The following RORA variants were observed in gnomAD, a reference collection of about 807,000 sequenced individuals.
RORA encodes RAR related orphan receptor A.
A neutral mutation model predicts 69.5 loss-of-function variants in RORA; 7 were observed. The observed-to-expected ratio is 0.10, with a 90% CI of 0.06 to 0.19. The LOEUF is 0.19. Among genes scored for constraint, RORA ranks in the 10% least tolerant of loss-of-function variants. The pLI is 1.00. For synonymous variants in RORA, 261 were observed against 240.8 expected, an observed-to-expected ratio of 1.08 and a Z score of -0.78; for missense variants, 457 against 663.0, an observed-to-expected ratio of 0.69 and a Z score of 3.41.
intron 1 of RORA, among the ~76,000 whole-genome samples, chr15:60,721,474 A>T (rs1213313033): frequency 6.6e-6 from 1 of 152,246 alleles, no homozygotes; most frequent in Non-Finnish European, 1.5e-5. Flanking sequence ...TCTCATGCAC[A>T]TTATTTAAGT....
chr15:60,612,659 CTGTT>C (rs1297552200), intron 2 of RORA, among the ~76,000 whole-genome samples: 12 of 117,360 alleles, frequency 1.0e-4, no homozygotes, highest in Admixed American at 2.8e-4. Flanking sequence ...CTCTCTCTCT[CTGTT>C]TTTTTTTTTT....
intron 1 of RORA, among the ~76,000 whole-genome samples, chr15:61,207,257 G>A (rs1321586332): frequency 1.3e-5 from 2 of 152,088 alleles, no homozygotes; most frequent in Non-Finnish European, 2.9e-5. Context: ...GATGAGAAAG[G>A]CAAATGGAAT....
At chr15:60,563,223 T>G (rs1220914800) in intron 2 of RORA, among the ~76,000 whole-genome samples, 1 of 152,200 alleles carries the variant, frequency 6.6e-6, no homozygotes, top group Non-Finnish European at 1.5e-5. Flanking sequence ...TAGCATCCAC[T>G]AAGTGCAAGA....
chr15:60,716,749 T>G (rs2071224551), intron 1 of RORA, among the ~76,000 whole-genome samples: 1 of 152,098 alleles, frequency 6.6e-6, no homozygotes, highest in East Asian at 1.9e-4. Flanking sequence ...TGAAGAGAGA[T>G]AATGCTGATA....
chr15:61,139,419 A>G (rs1402519734), intron 1 of RORA, among the ~76,000 whole-genome samples: 3 of 152,232 alleles, frequency 2.0e-5, no homozygotes, highest in Non-Finnish European at 4.4e-5. Context: ...CTTTCTTAGA[A>G]AACAAAAACA....
At position 60,952,689 on chromosome 15, in the gene RORA, T is replaced by A. The variant is rs1334263019; in HGVS notation, c.167-274003A>T. Among the ~76,000 whole-genome samples the A allele has an allele frequency of 2.0e-5, 3 of 151,802 alleles. No individual in the cohort carries two copies. In the East Asian group the frequency reaches 5.8e-4, roughly 29 times the overall value. On this transcript the variant is annotated intron_variant, in intron 1 of 10. Transcript: ENST00000335670. ...CAAATCATGAGTGAACTCCCATTCATAATTGCTACAAAGAGGATAAAATAC... is the reference window on the plus strand; with the variant it reads ...CAAATCATGAGTGAACTCCCATTCAAAATTGCTACAAAGAGGATAAAATAC...
At chr15:60,598,700 A>G (rs2068751934) in intron 2 of RORA, among the ~76,000 whole-genome samples, 1 of 152,346 alleles carries the variant, frequency 6.6e-6, no homozygotes, top group African/African-American at 2.4e-5. Flanking sequence ...GGGATTCAAA[A>G]GTTATATGCA....
intron 10 of RORA, among the ~76,000 whole-genome samples, chr15:60,499,271 C>T (rs895938569): frequency 7.2e-5 from 11 of 152,160 alleles, no homozygotes; most frequent in Non-Finnish European, 1.6e-4. Flanking sequence ...GTGGCTCACT[C>T]CTATAATCTC....
At chr15:61,154,575 C>G (rs764553828) in intron 1 of RORA, among the ~76,000 whole-genome samples, 11 of 152,140 alleles carry the variant, frequency 7.2e-5, no homozygotes, top group African/African-American at 2.7e-4. Flanking sequence ...GGGTCATGAG[C>G]CATTTGTTGC....
chr15:60,733,731 T>C (rs1016957757), intron 1 of RORA, among the ~76,000 whole-genome samples: 1 of 152,102 alleles, frequency 6.6e-6, no homozygotes, highest in African/African-American at 2.4e-5. Context: ...GAAGGAGGTA[T>C]GATAATCAAG....
rs113660652 is a variant in RORA at position 60,888,451 on chromosome 15, C to T, written c.167-209765G>A. On this transcript the variant is annotated intron_variant, in intron 1 of 10. Coordinates refer to ENST00000335670, the MANE Select transcript of RORA (RefSeq NM_134261.3). ...GGGGCGAAAAGGGAGAGGAAGATTA[C>T]GTGTGCACATGCACACACACACACA... 2.6e-5 allele frequency among the ~76,000 whole-genome samples: 4 copies of T among 152,184 alleles called. No individual in the cohort carries two copies. The South Asian group carries it at 6.2e-4, about 24-fold the overall frequency.
intron 2 of RORA, among the ~76,000 whole-genome samples, chr15:60,574,409 TG>T (rs975182014): frequency 8.5e-5 from 13 of 152,220 alleles, no homozygotes; most frequent in African/African-American, 2.9e-4. Flanking sequence ...TGTTATATGA[TG>T]AGAAATTTCA....
At chr15:61,035,376 C>A (rs1263021234) in intron 1 of RORA, among the ~76,000 whole-genome samples, 3 of 152,272 alleles carry the variant, frequency 2.0e-5, no homozygotes, top group South Asian at 2.1e-4. Flanking sequence ...CTTACCCACA[C>A]AACGTTAGGA....
chr15:61,203,860 G>A (rs1378705191), intron 1 of RORA, among the ~76,000 whole-genome samples: 5 of 152,156 alleles, frequency 3.3e-5, no homozygotes, highest in South Asian at 2.1e-4. Context: ...CTTATCATCC[G>A]CAACATTAGA....
chr15:60,591,707 C>T (rs935407594), intron 2 of RORA, among the ~76,000 whole-genome samples: 1 of 152,206 alleles, frequency 6.6e-6, no homozygotes, highest in African/African-American at 2.4e-5. Flanking sequence ...GCGGGGTGCG[C>T]CGCGGCTCCC....
intron 2 of RORA, among the ~76,000 whole-genome samples, chr15:60,573,344 A>G (rs2140459251): frequency 6.6e-6 from 1 of 152,358 alleles, no homozygotes; most frequent in South Asian, 2.1e-4. Flanking sequence ...TGCCTTTCAT[A>G]CATCTCTCAA....
Position 61,199,894 on chromosome 15 carries a change from G to A in RORA, c.166+29159C>T, listed in dbSNP as rs189960295. Among the ~76,000 whole-genome samples the A allele has an allele frequency of 2.3e-3, 353 of 152,318 alleles. 3 individuals are homozygous for A. The highest frequency in any genetic ancestry group is 8.1e-3 in the African/African-American group (338 of 41,574). On this transcript the variant is annotated intron_variant, in intron 1 of 10. Coordinates refer to ENST00000335670, the MANE Select transcript of RORA (RefSeq NM_134261.3). ...AACACAGAACGAGCTGTGCCGTGCT[G>A]TCGGGGACTGGGATACACCTGGGTG...
At chr15:60,838,370 A>G (rs1567209058) in intron 1 of RORA, among the ~76,000 whole-genome samples, 1 of 152,168 alleles carries the variant, frequency 6.6e-6, no homozygotes, top group African/African-American at 2.4e-5. Flanking sequence ...CTGTTTCCAG[A>G]CATCCAGATG....
intron 1 of RORA, among the ~76,000 whole-genome samples, chr15:60,914,235 T>C (rs1595813198): frequency 2.0e-5 from 3 of 152,320 alleles, no homozygotes; most frequent in Admixed American, 1.3e-4. Flanking sequence ...AAGCACCAAA[T>C]GTAAACTGCA....
Sources: allele counts gnomAD v4.1 joint callset (sites outside exome capture counted in the v4.1 genomes callset), GRCh38; gene constraint gnomAD v4.1.1; transcripts MANE v1.5; gene names NCBI Gene and HGNC (gene_info 2026-07-23, HGNC 2026-07-21).